Variants in ABCA13 observed in about 807,000 individuals in gnomAD.
The protein encoded by ABCA13 is ATP binding cassette subfamily A member 13.
A neutral mutation model predicts 478.7 loss-of-function variants in ABCA13; 476 were observed. The ratio of observed to expected loss-of-function variants is 0.99; its 90% confidence interval spans 0.92 to 1.07. The LOEUF (loss-of-function observed/expected upper bound fraction) is 1.07, where lower values mean the gene tolerates loss of function less well. ABCA13 is among the 50% of genes least tolerant of loss of function. The pLI is 0.00. For missense variants in ABCA13, 6,060 were observed against 5,910.6 expected (o/e 1.03, Z -0.83); for synonymous variants, 2,252 against 2,158.9 (o/e 1.04, Z -1.20).
At chr7:48,496,384 T>C (rs1290017004) in intron 48 of ABCA13, among the ~76,000 whole-genome samples, 1 of 146,974 alleles carries the variant, frequency 6.8e-6, no homozygotes, top group East Asian at 1.9e-4. Context: ...CTGTTTACCT[T>C]TAAAATATTA....
intron 46 of ABCA13, 25 bp downstream of exon 46, chr7:48,481,179 C>G: frequency 6.7e-7 from 1 of 1,503,738 alleles, no homozygotes; most frequent in Middle Eastern, 1.7e-4. Context: ...CTTGTTGGGT[C>G]TTTACTTGTT....
rs773400176 is a variant in ABCA13 at position 48,276,036 on chromosome 7, T to C, written c.6370T>C (p.Leu2124=). The part of the protein sequence containing the change: ...KTLEIIEDFL[L]VTKNWLQEYA... ...ATTAGAAATTATTGAAGATTTTCTA[T>C]TGGTCACAAAAAACTGGCTTCAGGA... The change falls in exon 17 of 62, where the codon TTG becomes CTG. Residue 2124 remains leucine, a synonymous_variant. Transcript: ENST00000435803. 15 of 1,609,264 alleles carry C rather than the reference T, an allele frequency of 9.3e-6. No homozygotes were observed. Among genetic ancestry groups the C allele is most frequent in the African/African-American group, 2.7e-5 (2 of 74,850 alleles).
intron 55 of ABCA13, among the ~76,000 whole-genome samples, chr7:48,541,677 A>G (rs552520792): frequency 6.6e-6 from 1 of 151,252 alleles, no homozygotes; most frequent in East Asian, 1.9e-4. Context: ...ACAATCAATG[A>G]GACAGAACAT....
chr7:48,420,749 C>CT (rs1263145822), intron 41 of ABCA13, among the ~76,000 whole-genome samples: 7 of 136,612 alleles, frequency 5.1e-5, no homozygotes, highest in Admixed American at 7.4e-5. Flanking sequence ...TTTTTTTTGA[C>CT]TTTTTTTTAG....
intron 46 of ABCA13, 114 bp from the exon 47 acceptor site, chr7:48,482,962 G>T: frequency 2.7e-6 from 2 of 740,756 alleles, no homozygotes; most frequent in Non-Finnish European, 4.3e-6. Context: ...CAGATGCTCA[G>T]TTGGCTACTG....
chr7:48,278,154 G>T lies in ABCA13; in HGVS notation c.6960G>T (p.Met2320Ile). The change falls in exon 18 of 62, where the codon ATG (methionine) becomes ATT (isoleucine). Residue 2320 changes from methionine to isoleucine, a missense_variant. By Grantham distance (10) the Met-to-Ile change is conservative. Transcript: ENST00000435803. ...ILKLDQFLTL[M>I]IQDRLMNIFS... is the part of the protein sequence containing the mutation. ...AACTGGATCAATTTCTTACCCTGAT[G>T]ATACAAGACAGATTGATGAACATTT... 2.7e-6 allele frequency: 4 copies of T among 1,504,254 alleles called. No homozygotes were observed. Among genetic ancestry groups the T allele is most frequent in the South Asian group, 1.4e-5 (1 of 73,302 alleles). 93.2% of individuals were successfully genotyped at this position (1,504,254 alleles called of 1,614,324 possible). A position where few individuals can be genotyped will look rare whatever the true frequency, so the allele number is the denominator to read the frequency against.
intron 55 of ABCA13, among the ~76,000 whole-genome samples, chr7:48,546,687 A>G (rs61667078): frequency 0.017 from 2,549 of 151,726 alleles, 70 homozygotes; most frequent in African/African-American, 0.058. Flanking sequence ...AAGTGACCGT[A>G]TCATAGAATT....
intron 26 of ABCA13, among the ~76,000 whole-genome samples, chr7:48,314,721 C>A (rs1324082171): frequency 6.6e-6 from 1 of 152,128 alleles, no homozygotes; most frequent in Non-Finnish European, 1.5e-5. Context: ...GGCATAAAGA[C>A]CATGAGCACT....
intron 15 of ABCA13, among the ~76,000 whole-genome samples, chr7:48,252,092 G>A (rs558799644): frequency 6.6e-5 from 10 of 152,172 alleles, no homozygotes; most frequent in East Asian, 3.9e-4. Context: ...GTTTTCAGCC[G>A]TTAATTCTTT....
chr7:48,619,342 A>G (rs1586004946), intron 59 of ABCA13, among the ~76,000 whole-genome samples: 1 of 152,208 alleles, frequency 6.6e-6, no homozygotes, highest in South Asian at 2.1e-4. Context: ...AAAAAATGCA[A>G]TAGGCCACTA....
intron 43 of ABCA13, among the ~76,000 whole-genome samples, chr7:48,463,639 T>C (rs926592114): frequency 6.6e-6 from 1 of 151,964 alleles, no homozygotes; most frequent in African/African-American, 2.4e-5. Context: ...GCAAATCCCA[T>C]AGAGCCCAAG....
intron 41 of ABCA13, among the ~76,000 whole-genome samples, chr7:48,427,482 C>T (rs1012221332): frequency 1.3e-4 from 20 of 152,224 alleles, no homozygotes; most frequent in Middle Eastern, 3.2e-3. Flanking sequence ...TCTGTCCCCT[C>T]CCTGCCTACC....
chr7:48,193,434 TA>T lies in ABCA13; in HGVS notation c.163+384del, dbSNP rs565446074. ...GGTGGTGATGATGGTGGTGAGAAAA[TA>T]ATGATGCTGATGATATGATGATGAT... On this transcript the variant is annotated intron_variant, in intron 2 of 61. Transcript: ENST00000435803. Among the ~76,000 whole-genome samples the T allele has an allele frequency of 5.3e-3, 799 of 151,842 alleles. 11 individuals are homozygous for T. Among genetic ancestry groups the T allele is most frequent in the African/African-American group, 0.018 (755 of 41,378 alleles).
At chr7:48,472,988 A>T (rs552000287) in intron 45 of ABCA13, among the ~76,000 whole-genome samples, 221 of 152,326 alleles carry the variant, frequency 1.5e-3, no homozygotes, top group Non-Finnish European at 2.6e-3. Flanking sequence ...GGGAGGCCTC[A>T]CAATCATGGT....
intron 10 of ABCA13, among the ~76,000 whole-genome samples, chr7:48,241,775 G>A (rs1260581376): frequency 6.6e-6 from 1 of 152,180 alleles, no homozygotes; most frequent in Non-Finnish European, 1.5e-5. Context: ...TGACAGAATT[G>A]GATAGGACCA....
chr7:48,368,817 CATTG>C (rs912387855), intron 32 of ABCA13, among the ~76,000 whole-genome samples: 1 of 150,386 alleles, frequency 6.6e-6, no homozygotes, highest in Non-Finnish European at 1.5e-5. Context: ...TTTATTCACT[CATTG>C]ATTGATGGGC....
rs988935732 is a variant in ABCA13 at position 48,543,997 on chromosome 7, T to C, written c.14354+15652T>C. Among the ~76,000 whole-genome samples the C allele has an allele frequency of 2.0e-5, 3 of 151,798 alleles. 1 individual carries two copies. On this transcript the variant is annotated intron_variant, in intron 55 of 61. Coordinates refer to ENST00000435803, the MANE Select transcript of ABCA13 (RefSeq NM_152701.5). ...GGTTTAAATGAAAATATATTTATTC[T>C]AGTAAATAATTGAGAAGGTATTGTT... is the stretch of plus-strand genomic sequence containing the variant.
intron 52 of ABCA13, among the ~76,000 whole-genome samples, chr7:48,518,204 T>C (rs1430645834): frequency 6.6e-6 from 1 of 152,138 alleles, no homozygotes; most frequent in Non-Finnish European, 1.5e-5. Context: ...TTGAAATCAG[T>C]AGAGATAGTG....
chr7:48,545,133 G>A (rs1784706319), intron 55 of ABCA13, among the ~76,000 whole-genome samples: 1 of 151,782 alleles, frequency 6.6e-6, no homozygotes. Context: ...TGATTTGGAG[G>A]CATAGGTTTT....
Sources: allele counts gnomAD v4.1 joint callset (sites outside exome capture counted in the v4.1 genomes callset), GRCh38; gene constraint gnomAD v4.1.1; transcripts MANE v1.5; gene names NCBI Gene and HGNC (gene_info 2026-07-23, HGNC 2026-07-21).